Variants in GLIPR2 observed in about 807,000 individuals in gnomAD.
The protein encoded by GLIPR2 is GLI pathogenesis related 2.
GLIPR2 carries 21 observed loss-of-function variants against 20.4 expected under a neutral mutation model. The ratio of observed to expected loss-of-function variants is 1.03; its 90% CI spans 0.73 to 1.48. The LOEUF is 1.48. GLIPR2 is among the 40% of genes most tolerant of loss of function. The pLI, the probability that GLIPR2 is intolerant of heterozygous loss-of-function variation, is 0.00. For synonymous variants in GLIPR2, 91 were observed against 80.5 expected (o/e 1.13, Z -0.70); for missense variants, 205 against 200.1 (o/e 1.02, Z -0.15).
intron 4 of GLIPR2, among the ~76,000 whole-genome samples, chr9:36,152,181 G>A (rs75007929): frequency 0.022 from 3,377 of 152,310 alleles, 115 homozygotes; most frequent in African/African-American, 0.077. Flanking sequence ...CTCCAGGCTG[G>A]GCTGGCAGGG....
chr9:36,162,002 A>C (rs968626753), intron 4 of GLIPR2, among the ~76,000 whole-genome samples: 1 of 152,128 alleles, frequency 6.6e-6, no homozygotes, highest in Admixed American at 6.5e-5. Flanking sequence ...GTGAAACCTC[A>C]TCTCTACTAA....
upstream of GLIPR2, chr9:36,136,564 C>T: frequency 2.8e-6 from 1 of 356,610 alleles, no homozygotes; most frequent in Non-Finnish European, 5.0e-6. The surrounding 1 kb of genome is among the most constrained non-coding windows in gnomAD (Gnocchi z 4.3). Context: ...CCTCGGCAGT[C>T]GCGGAGCTGC....
rs1334894392 is a variant in GLIPR2 at position 36,154,455 on chromosome 9, A to G, written c.304+3506A>G. Among the ~76,000 whole-genome samples the G allele has an allele frequency of 7.2e-5, 11 of 152,114 alleles. No homozygotes were observed. In the East Asian group the frequency reaches 2.1e-3, roughly 29 times the overall value. ...ATGACCTGTTTTATGCTTGTCAGAGATTGTGCCACAGCATACAAATAGTGC... is the reference window on the plus strand; with the variant it reads ...ATGACCTGTTTTATGCTTGTCAGAGGTTGTGCCACAGCATACAAATAGTGC... On this transcript the variant is annotated intron_variant, in intron 4 of 4. Transcript: ENST00000377960.
intron 1 of GLIPR2, among the ~76,000 whole-genome samples, chr9:36,137,409 C>G (rs997589636): frequency 2.0e-5 from 3 of 152,162 alleles, no homozygotes; most frequent in Non-Finnish European, 2.9e-5. Context: ...CCTTCGGGCC[C>G]CTGGGAGTGG....
intron 1 of GLIPR2, among the ~76,000 whole-genome samples, chr9:36,143,226 C>T (rs1825166095): frequency 6.6e-6 from 1 of 152,162 alleles, no homozygotes; most frequent in African/African-American, 2.4e-5. Context: ...AAACTGGCTT[C>T]CCCTTAGCAA....
intron 4 of GLIPR2, among the ~76,000 whole-genome samples, chr9:36,161,036 C>T (rs1047500423): frequency 1.3e-5 from 2 of 150,496 alleles, no homozygotes; most frequent in Non-Finnish European, 3.0e-5. Context: ...GGGTGAGACT[C>T]GTCTCAAAAA....
chr9:36,146,432 A>G (rs1470524705), intron 1 of GLIPR2, among the ~76,000 whole-genome samples: 2 of 152,164 alleles, frequency 1.3e-5, no homozygotes, highest in East Asian at 1.9e-4. Context: ...CTTACAAAAT[A>G]TATTCACTCC....
At position 36,148,606 on chromosome 9, in the gene GLIPR2, G is replaced by A. The variant is rs1286813785; in HGVS notation, c.182G>A (p.Gly61Asp). The change falls in exon 3 of 5, where the codon GGC becomes GAC. Residue 61 changes from glycine to aspartate, a missense_variant. By Grantham distance (94) the Gly-to-Asp change is moderately conservative. Transcript: ENST00000377960. The part of the protein sequence containing the change: ...ILKHSPESSR[G>D]QCGENLAWAS... ...AAGCACAGCCCGGAGTCCAGCCGTG[G>A]CCAGTGTGGGGAGAACCTTGCATGG... 6.2e-7 allele frequency: 1 copy of A among 1,614,118 alleles called. No individual in the cohort carries two copies. Among genetic ancestry groups the A allele is most frequent in the Non-Finnish European group, 8.5e-7 (1 of 1,179,952 alleles).
intron 4 of GLIPR2, among the ~76,000 whole-genome samples, chr9:36,151,769 C>A (rs1825598291): frequency 1.3e-5 from 2 of 152,162 alleles, no homozygotes; most frequent in African/African-American, 4.8e-5. Flanking sequence ...GCCCTGTGCC[C>A]TGGGCTCCCC....
chr9:36,156,905 T>A lies in GLIPR2; in HGVS notation c.305-5457T>A, dbSNP rs865895942. ...TTCTAGCTACCTCATATAAATGGAATCATACAATATTTGCCCATTTGTGTC... is the reference window on the plus strand; with the variant it reads ...TTCTAGCTACCTCATATAAATGGAAACATACAATATTTGCCCATTTGTGTC... On this transcript the variant is annotated intron_variant, in intron 4 of 4. Coordinates refer to ENST00000377960, the MANE Select transcript of GLIPR2 (RefSeq NM_022343.4). 3.0e-4 allele frequency among the ~76,000 whole-genome samples: 46 copies of A among 152,346 alleles called. No individual in the cohort carries two copies. In the Middle Eastern group the frequency reaches 0.02, roughly 68 times the overall value.
chr9:36,158,822 T>C (rs539563089), intron 4 of GLIPR2, among the ~76,000 whole-genome samples: 47 of 152,312 alleles, frequency 3.1e-4, no homozygotes, highest in Admixed American at 3.1e-3. Context: ...CCCAACACTT[T>C]GGGAGGCTGA....
At chr9:36,150,357 G>T (rs1395769322) in intron 3 of GLIPR2, among the ~76,000 whole-genome samples, 1 of 152,172 alleles carries the variant, frequency 6.6e-6, no homozygotes, top group Non-Finnish European at 1.5e-5. Context: ...CAACACGTGT[G>T]GGGACAGTGG....
chr9:36,140,781 T>C (rs1340121407), intron 1 of GLIPR2, among the ~76,000 whole-genome samples: 1 of 152,174 alleles, frequency 6.6e-6, no homozygotes, highest in East Asian at 1.9e-4. Flanking sequence ...CCGGCTCTAA[T>C]GTGGGCTCTG....
At chr9:36,142,390 T>G (rs1825128450) in intron 1 of GLIPR2, among the ~76,000 whole-genome samples, 2 of 152,132 alleles carry the variant, frequency 1.3e-5, no homozygotes, top group Non-Finnish European at 2.9e-5. Context: ...GGCAGGTAAC[T>G]TCCCTTCTCA....
In GLIPR2 at chr9:36,148,455, G is replaced by A. The variant is rs757582825; in HGVS notation, c.123-92G>A. On this transcript the variant is annotated intron_variant, in intron 2 of 4. Transcript: ENST00000377960. ...GGTGCTCCTCTGTGAGCCCGGGGCA[G>A]GGAAGGAAGCTCAGCCACACTAGCT... 23 of 854,652 alleles carry A rather than the reference G, an allele frequency of 2.7e-5. 1 individual carries two copies. The highest frequency in any genetic ancestry group is 2.9e-5 in the Non-Finnish European group (15 of 510,346). The allele number at this position is 854,652 out of a possible 1,614,324, so 52.9% of individuals were successfully genotyped here. A position where few individuals can be genotyped will look rare whatever the true frequency, so the allele number is the denominator to read the frequency against.
chr9:36,136,539 C>T (rs111406032), upstream of GLIPR2: 1 of 347,826 alleles, frequency 2.9e-6, no homozygotes, highest in Non-Finnish European at 5.2e-6. This position sits in a 1 kb window ranked among gnomAD's most constrained non-coding sequence, Gnocchi z 4.3. Flanking sequence ...AGCCCCGCGG[C>T]CGCATCCGGG....
At chr9:36,144,766 C>T (rs938205476) in intron 1 of GLIPR2, 2 of 152,370 alleles carry the variant, frequency 1.3e-5, no homozygotes, top group African/African-American at 4.8e-5. Context: ...CTTCCTCCTT[C>T]TCAGAAGGCC....
chr9:36,147,566 C>T (rs1003042019), intron 1 of GLIPR2, among the ~76,000 whole-genome samples: 3 of 152,194 alleles, frequency 2.0e-5, no homozygotes, highest in African/African-American at 7.2e-5. Flanking sequence ...CCACATGATC[C>T]ACGGGCTTTA....
chr9:36,158,676 C>T (rs535392274), intron 4 of GLIPR2, among the ~76,000 whole-genome samples: 5 of 152,316 alleles, frequency 3.3e-5, no homozygotes, highest in African/African-American at 7.2e-5. Flanking sequence ...AAATGAATGC[C>T]ATCCTGTGAC....
Sources: allele counts gnomAD v4.1 joint callset (sites outside exome capture counted in the v4.1 genomes callset), GRCh38; gene constraint gnomAD v4.1.1; non-coding constraint Gnocchi (gnomAD v3.1); transcripts MANE v1.5; gene names NCBI Gene and HGNC (gene_info 2026-07-23, HGNC 2026-07-21).